Variants in GRID1 observed in about 807,000 individuals in gnomAD.
GRID1 encodes the protein glutamate ionotropic receptor delta type subunit 1, also known as glutamate receptor ionotropic, delta-1.
A neutral mutation model predicts 98.0 loss-of-function variants in GRID1; 28 were observed. That is an observed-to-expected ratio of 0.29 (90% CI 0.21 to 0.39). The LOEUF is 0.39. GRID1 is among the 10% of genes least tolerant of loss of function. The pLI is 1.00. For missense variants in GRID1, 1,111 were observed against 1,340.5 expected (o/e 0.83, Z 2.67); for synonymous variants, 553 against 538.5 (o/e 1.03, Z -0.37).
intron 3 of GRID1, among the ~76,000 whole-genome samples, chr10:86,173,353 TC>T (rs1164458187): frequency 6.6e-6 from 1 of 152,226 alleles, no homozygotes; most frequent in East Asian, 1.9e-4. Context: ...AAGAATTTTT[TC>T]TAAATGCAAT....
intron 13 of GRID1, among the ~76,000 whole-genome samples, chr10:85,636,894 A>G (rs1843050929): frequency 6.6e-6 from 1 of 152,234 alleles, no homozygotes; most frequent in Admixed American, 6.5e-5. Context: ...TGAGAATTAG[A>G]CCTACAGAAA....
chr10:86,204,222 C>A (rs1233045423), intron 3 of GRID1, among the ~76,000 whole-genome samples: 1 of 152,228 alleles, frequency 6.6e-6, no homozygotes, highest in Non-Finnish European at 1.5e-5. Context: ...TCCTTCTCCC[C>A]ATTCCTCCTT....
At chr10:86,002,342 T>A (rs1031237012) in intron 4 of GRID1, among the ~76,000 whole-genome samples, 1 of 152,220 alleles carries the variant, frequency 6.6e-6, no homozygotes, top group African/African-American at 2.4e-5. Flanking sequence ...TTCAGTCCTT[T>A]CTCCCTTTAT....
At chr10:85,759,614 AT>A (rs112447125) in intron 8 of GRID1, among the ~76,000 whole-genome samples, 9 of 152,316 alleles carry the variant, frequency 5.9e-5, no homozygotes, top group East Asian at 1.9e-4. Flanking sequence ...GGAAAATAAT[AT>A]TTTTTTATAT....
intron 12 of GRID1, among the ~76,000 whole-genome samples, chr10:85,703,717 C>A (rs1474971459): frequency 6.6e-6 from 1 of 151,906 alleles, no homozygotes; most frequent in African/African-American, 2.4e-5. Context: ...ATAATGGTAA[C>A]AGAATGCTAA....
chr10:86,024,709 C>T (rs554625714), intron 4 of GRID1, among the ~76,000 whole-genome samples: 48 of 152,324 alleles, frequency 3.2e-4, no homozygotes, highest in African/African-American at 1.2e-3. Context: ...TGCTTCCCAG[C>T]AGCCTCACAG....
chr10:85,850,940 T>A (rs1045166785), intron 8 of GRID1, among the ~76,000 whole-genome samples: 21 of 152,174 alleles, frequency 1.4e-4, no homozygotes, highest in Admixed American at 1.3e-4. Context: ...TTGGATACTG[T>A]GGATGCTTAA....
At chr10:85,818,983 A>C (rs2131749243) in intron 8 of GRID1, among the ~76,000 whole-genome samples, 1 of 152,292 alleles carries the variant, frequency 6.6e-6, no homozygotes, top group East Asian at 1.9e-4. Flanking sequence ...AGCCTCCCAA[A>C]GTGCTGGGAT....
intron 5 of GRID1, among the ~76,000 whole-genome samples, chr10:85,893,880 A>G (rs1589290266): frequency 6.6e-6 from 1 of 152,192 alleles, no homozygotes; most frequent in East Asian, 1.9e-4. Flanking sequence ...CAGGGCCTCA[A>G]CTAGGGTAAG....
At chr10:86,280,915 C>T (rs1847348340) in intron 2 of GRID1, among the ~76,000 whole-genome samples, 9 of 152,210 alleles carry the variant, frequency 5.9e-5, no homozygotes, top group Admixed American at 5.9e-4. Context: ...CCAAATCCTT[C>T]TCAACCCTTA....
chr10:85,832,053 A>G (rs911377805), intron 8 of GRID1, among the ~76,000 whole-genome samples: 2 of 114,342 alleles, frequency 1.7e-5, no homozygotes, highest in Non-Finnish European at 3.9e-5. Flanking sequence ...GTAAGAAAAC[A>G]ATTTTTTTTG....
chr10:85,613,666 G>C lies in GRID1; in HGVS notation c.2361-19C>G, dbSNP rs199693600. On this transcript the variant is annotated intron_variant, in intron 14 of 15. Coordinates refer to ENST00000327946, the MANE Select transcript of GRID1 (RefSeq NM_017551.3). Reference sequence around the variant, plus strand: ...CAGGATCCTGTAAGACACAATCAAGGTGAGCTATAGCCACTGACGTCATCA... The same window carrying C: ...CAGGATCCTGTAAGACACAATCAAGCTGAGCTATAGCCACTGACGTCATCA... 1.0e-4 allele frequency: 163 copies of C among 1,607,722 alleles called. No individual in the cohort carries two copies. Among genetic ancestry groups the C allele is most frequent in the Non-Finnish European group, 3.1e-5 (37 of 1,175,554 alleles).
At position 86,107,989 on chromosome 10, in the gene GRID1, G is replaced by A. The variant is rs191127580; in HGVS notation, c.726+30830C>T. Among the ~76,000 whole-genome samples, 78 of 152,322 alleles carry A rather than the reference G, an allele frequency of 5.1e-4. 1 individual carries two copies. Among genetic ancestry groups the A allele is most frequent in the Non-Finnish European group, 9.1e-4 (62 of 68,026 alleles). ...TTCCAGTACATGAAGGCAAGAACCC[G>A]GGATACAGAGAGCCCTTTGTCCGTG... On this transcript the variant is annotated intron_variant, in intron 4 of 15. Coordinates refer to ENST00000327946, the MANE Select transcript of GRID1 (RefSeq NM_017551.3).
At chr10:85,835,309 T>C (rs532553596) in intron 8 of GRID1, among the ~76,000 whole-genome samples, 3 of 152,296 alleles carry the variant, frequency 2.0e-5, no homozygotes, top group African/African-American at 4.8e-5. Flanking sequence ...AACAACACAA[T>C]TGATATGGTT....
At chr10:86,281,185 G>A (rs1035354318) in intron 2 of GRID1, among the ~76,000 whole-genome samples, 1 of 152,224 alleles carries the variant, frequency 6.6e-6, no homozygotes, top group Non-Finnish European at 1.5e-5. Context: ...GAAGAGGGGG[G>A]AGGAAGTGGC....
At chr10:85,764,913 C>T (rs1265177212) in intron 8 of GRID1, among the ~76,000 whole-genome samples, 2 of 152,126 alleles carry the variant, frequency 1.3e-5, no homozygotes, top group Non-Finnish European at 2.9e-5. Flanking sequence ...GGTCATCAGA[C>T]TATATAACAG....
chr10:85,893,550 G>A (rs943600027), intron 5 of GRID1, among the ~76,000 whole-genome samples: 5 of 152,066 alleles, frequency 3.3e-5, no homozygotes, highest in Admixed American at 1.3e-4. Flanking sequence ...GGAACACAAG[G>A]TCAATATCCA....
chr10:85,632,810 C>A (rs1330132104), intron 13 of GRID1, among the ~76,000 whole-genome samples: 2 of 152,178 alleles, frequency 1.3e-5, no homozygotes, highest in Non-Finnish European at 2.9e-5. Context: ...TGGTGGTTTG[C>A]CACACCTATC....
At chr10:85,964,913 G>A (rs1468727180) in intron 4 of GRID1, among the ~76,000 whole-genome samples, 1 of 152,114 alleles carries the variant, frequency 6.6e-6, no homozygotes, top group Non-Finnish European at 1.5e-5. Context: ...CTAATATCCA[G>A]AATCTACAAG....
Sources: allele counts gnomAD v4.1 joint callset (sites outside exome capture counted in the v4.1 genomes callset), GRCh38; gene constraint gnomAD v4.1.1; transcripts MANE v1.5; gene names NCBI Gene and HGNC (gene_info 2026-07-23, HGNC 2026-07-21).